Variants in ASCC1 observed in about 807,000 individuals in gnomAD.
ASCC1 encodes the protein ASC-1 complex subunit P50.
In ASCC1, 35 loss-of-function variants were observed where a neutral mutation model predicts 46.6. The ratio of observed to expected loss-of-function variants is 0.75; its 90% CI spans 0.57 to 0.99. The LOEUF is 0.99. Ranked by LOEUF, ASCC1 falls within the 50% of genes least tolerant of loss-of-function variation. ASCC1 has a pLI of 0.00. For missense variants in ASCC1, 376 were observed against 428.7 expected, an observed-to-expected ratio of 0.88 and a Z score of 1.09; for synonymous variants, 143 against 146.6, an observed-to-expected ratio of 0.98 and a Z score of 0.18.
At chr10:72,128,395 A>G (rs1336227720) in intron 8 of ASCC1, among the ~76,000 whole-genome samples, 5 of 152,212 alleles carry the variant, frequency 3.3e-5, no homozygotes, top group Non-Finnish European at 7.3e-5. Context: ...TTCATTCGAC[A>G]TTCTCCAGGC....
chr10:72,217,098 T>C (rs1414899142), upstream of ASCC1: 1 of 453,820 alleles, frequency 2.2e-6, no homozygotes, highest in East Asian at 6.9e-5. Context: ...GTGGAAACAC[T>C]GCCCCAGGTT....
chr10:72,201,337 A>G (rs566567468), intron 4 of ASCC1, among the ~76,000 whole-genome samples: 1 of 152,326 alleles, frequency 6.6e-6, no homozygotes, highest in South Asian at 2.1e-4. Flanking sequence ...CACATAACAT[A>G]AAATGAAAAA....
chr10:72,105,167 C>A (rs1473527864), intron 9 of ASCC1, among the ~76,000 whole-genome samples: 2 of 152,224 alleles, frequency 1.3e-5, no homozygotes, highest in Non-Finnish European at 2.9e-5. Context: ...GGCTGTCACA[C>A]TGGCCCTTTG....
At chr10:72,150,964 G>A (rs1442851370) in intron 7 of ASCC1, among the ~76,000 whole-genome samples, 1 of 152,226 alleles carries the variant, frequency 6.6e-6, no homozygotes, top group Admixed American at 6.5e-5. Flanking sequence ...TGGAGAGGAT[G>A]TGGAGAAATA....
intron 5 of ASCC1, among the ~76,000 whole-genome samples, chr10:72,183,500 T>C (rs769021583): frequency 1.3e-5 from 2 of 151,732 alleles, no homozygotes; most frequent in African/African-American, 2.4e-5. Context: ...TCTACAAAAA[T>C]TAGCTGGGCA....
At chr10:72,209,301 T>C (rs1361857245) in intron 3 of ASCC1, among the ~76,000 whole-genome samples, 2 of 151,834 alleles carry the variant, frequency 1.3e-5, no homozygotes, top group Admixed American at 6.6e-5. Flanking sequence ...CTGGGAAACA[T>C]AGTAAAACCC....
chr10:72,160,910 C>T (rs1056647359), intron 6 of ASCC1, among the ~76,000 whole-genome samples: 9 of 151,426 alleles, frequency 5.9e-5, no homozygotes, highest in Non-Finnish European at 1.0e-4. Context: ...GGTGAAACCC[C>T]GTCTCTACTA....
intron 7 of ASCC1, among the ~76,000 whole-genome samples, chr10:72,138,600 C>CTTTTTTTTTTTTTTTTTTTT (rs1011535460): frequency 1.7e-4 from 18 of 104,518 alleles, no homozygotes; most frequent in East Asian, 5.4e-4. Context: ...TTCTTTCTTT[C>CTTTTTTTTTTTTTTTTTTTT]TTTTTTTTTT....
chr10:72,210,689 C>T (rs1857947488), intron 3 of ASCC1, 43 bp downstream of exon 3: 2 of 1,559,192 alleles, frequency 1.3e-6, no homozygotes, highest in African/African-American at 2.7e-5. Context: ...CGCTGAGTTT[C>T]CTGGAAGTGT....
intron 9 of ASCC1, among the ~76,000 whole-genome samples, chr10:72,116,750 C>T (rs1757276961): frequency 6.6e-6 from 1 of 152,082 alleles, no homozygotes; most frequent in South Asian, 2.1e-4. Flanking sequence ...TTTTTCAGAA[C>T]TGTTATATTG....
chr10:72,196,428 G>A (rs931942833), intron 5 of ASCC1, among the ~76,000 whole-genome samples: 1 of 151,924 alleles, frequency 6.6e-6, no homozygotes, highest in Non-Finnish European at 1.5e-5. Context: ...ACAGGCACAT[G>A]CCACCTCACC....
chr10:72,164,485 TA>T (rs929764044), intron 5 of ASCC1, among the ~76,000 whole-genome samples: 3 of 152,250 alleles, frequency 2.0e-5, no homozygotes, highest in South Asian at 2.1e-4. Flanking sequence ...TTTTTAGAGT[TA>T]AATAATATTT....
At chr10:72,205,795 C>CA (rs1235585777) in intron 3 of ASCC1, among the ~76,000 whole-genome samples, 1 of 151,870 alleles carries the variant, frequency 6.6e-6, no homozygotes, top group Admixed American at 6.6e-5. Context: ...GACTCCGTCT[C>CA]AAAAAAATAA....
intron 5 of ASCC1, among the ~76,000 whole-genome samples, chr10:72,191,047 G>A (rs1212303391): frequency 6.8e-6 from 1 of 146,432 alleles, no homozygotes; most frequent in Non-Finnish European, 1.5e-5. Flanking sequence ...AAGACAGTAA[G>A]CGGTGGTGTA....
intron 4 of ASCC1, 74 bp from the exon 5 acceptor site, chr10:72,197,063 T>A: frequency 6.8e-7 from 1 of 1,473,802 alleles, no homozygotes; most frequent in Non-Finnish European, 9.5e-7. Flanking sequence ...CTTGATACTG[T>A]CACCTCTGAG....
chr10:72,161,608 C>G lies in ASCC1; in HGVS notation c.556G>C (p.Val186Leu). The G allele has an allele frequency of 6.2e-7, 1 of 1,614,170 alleles. No individual in the cohort carries two copies. Among genetic ancestry groups the G allele is most frequent in the East Asian group, 2.2e-5 (1 of 44,886 alleles). ...KKLHLTIGMLVLLSEEEIQQT... is the reference protein window; with the variant it reads ...KKLHLTIGMLLLLSEEEIQQT... ...TGGATCTCTTCCTCACTCAAAAGCA[C>G]CAACATCCCAATAGTTAGATGAAGC... is the stretch of plus-strand genomic sequence containing the variant. The change falls in exon 6 of 10, where the codon GTG becomes CTG. Residue 186 changes from valine (V) to leucine (L), a missense_variant. Physicochemically the swap from Val to Leu is conservative, Grantham distance 32. Transcript: ENST00000672957.
At chr10:72,165,539 A>G (rs552633716) in intron 5 of ASCC1, among the ~76,000 whole-genome samples, 1 of 152,386 alleles carries the variant, frequency 6.6e-6, no homozygotes, top group South Asian at 2.1e-4. Context: ...AAGGTATTTT[A>G]TCAAGTATGA....
At chr10:72,117,059 A>G (rs1231860093) in intron 9 of ASCC1, among the ~76,000 whole-genome samples, 2 of 152,164 alleles carry the variant, frequency 1.3e-5, no homozygotes, top group Non-Finnish European at 2.9e-5. Flanking sequence ...CAGCCTCCCA[A>G]AGTGCTGGGA....
intron 5 of ASCC1, among the ~76,000 whole-genome samples, chr10:72,162,779 C>T (rs893531159): frequency 1.3e-5 from 2 of 151,778 alleles, no homozygotes; most frequent in African/African-American, 2.4e-5. Flanking sequence ...CCCATCTCTA[C>T]CAAAAATACA....
Sources: allele counts gnomAD v4.1 joint callset (sites outside exome capture counted in the v4.1 genomes callset), GRCh38; gene constraint gnomAD v4.1.1; transcripts MANE v1.5; gene names NCBI Gene and HGNC (gene_info 2026-07-23, HGNC 2026-07-21).